IL1RAPL1: variants seen among roughly 807,000 people sequenced by gnomAD.
The protein encoded by IL1RAPL1 is interleukin-1 receptor accessory protein-like 1.
In IL1RAPL1, 3 loss-of-function variants were observed where a neutral mutation model predicts 48.4. The observed-to-expected ratio is 0.06, with a 90% confidence interval of 0.03 to 0.16. IL1RAPL1 has a LOEUF of 0.16. Ranked by LOEUF, IL1RAPL1 falls within the 10% of genes least tolerant of loss-of-function variation. The pLI is 1.00. For synonymous variants in IL1RAPL1, 185 were observed against 187.7 expected (o/e 0.99, Z 0.12); for missense variants, 349 against 530.6 (o/e 0.66, Z 3.36).
intron 5 of IL1RAPL1, among the ~76,000 whole-genome samples, chrX:29,418,090 AAT>A (rs1184407912): frequency 0.029 from 1,472 of 50,833 alleles, 80 homozygotes; most frequent in Non-Finnish European, 0.034. Context: ...TTAAAAAAGT[AAT>A]ATATATATAT....
chrX:29,758,552 C>A (rs1046487255), intron 6 of IL1RAPL1, among the ~76,000 whole-genome samples: 2 of 109,648 alleles, frequency 1.8e-5, no homozygotes, highest in African/African-American at 6.6e-5. Flanking sequence ...AAAAATTATG[C>A]GAGTATGGTG....
intron 2 of IL1RAPL1, among the ~76,000 whole-genome samples, chrX:29,139,091 G>A (rs1156415297): frequency 1.8e-5 from 2 of 111,735 alleles, no homozygotes; most frequent in Non-Finnish European, 3.8e-5. Context: ...CTTGCAACCA[G>A]CTACAGAAGG....
chrX:29,844,468 C>T (rs758907069), intron 6 of IL1RAPL1, among the ~76,000 whole-genome samples: 5 of 111,204 alleles, frequency 4.5e-5, no homozygotes, highest in Admixed American at 9.6e-5. Context: ...TCTTAACCCC[C>T]GGTACCTGTA....
At chrX:29,232,574 A>G (rs1269740497) in intron 2 of IL1RAPL1, among the ~76,000 whole-genome samples, 2 of 111,718 alleles carry the variant, frequency 1.8e-5, no homozygotes, top group Non-Finnish European at 3.8e-5. Flanking sequence ...TACATTTACA[A>G]TCATCTGACA....
At chrX:29,124,498 C>A (rs1053351810) in intron 2 of IL1RAPL1, among the ~76,000 whole-genome samples, 1 of 112,483 alleles carries the variant, frequency 8.9e-6, no homozygotes, top group Non-Finnish European at 1.9e-5. Context: ...TCTAATCACT[C>A]TGTGGCCATA....
At chrX:29,724,595 CAAAT>C (rs1927728155) in intron 6 of IL1RAPL1, among the ~76,000 whole-genome samples, 1 of 111,934 alleles carries the variant, frequency 8.9e-6, no homozygotes, top group South Asian at 3.7e-4. Context: ...GGAGAAAATG[CAAAT>C]AAATATGCTG....
At chrX:29,252,247 C>A (rs1431519453) in intron 2 of IL1RAPL1, among the ~76,000 whole-genome samples, 3 of 109,643 alleles carry the variant, frequency 2.7e-5, no homozygotes, top group Non-Finnish European at 5.7e-5. Flanking sequence ...CACATGTACC[C>A]TAAAACTTAA....
chrX:29,852,450 C>T (rs1253641870), intron 6 of IL1RAPL1, among the ~76,000 whole-genome samples: 2 of 112,137 alleles, frequency 1.8e-5, no homozygotes, highest in Non-Finnish European at 3.8e-5. Flanking sequence ...CACTCTTGGG[C>T]AGTTCTTGCC....
intron 6 of IL1RAPL1, among the ~76,000 whole-genome samples, chrX:29,745,026 A>C (rs1030148975): frequency 2.7e-5 from 3 of 112,109 alleles, no homozygotes; most frequent in African/African-American, 9.7e-5. Context: ...AATAGAACTA[A>C]AGACGAGAGC....
At chrX:29,504,901 A>G (rs1347338650) in intron 5 of IL1RAPL1, among the ~76,000 whole-genome samples, 1 of 77,085 alleles carries the variant, frequency 1.3e-5, no homozygotes, top group Non-Finnish European at 2.6e-5. Context: ...TTGTTTTAGA[A>G]CTCCTCTCTG....
At chrX:29,051,815 T>C (rs1378211849) in intron 2 of IL1RAPL1, among the ~76,000 whole-genome samples, 1 of 112,628 alleles carries the variant, frequency 8.9e-6, no homozygotes, top group Non-Finnish European at 1.9e-5. Flanking sequence ...ATGGCCACCT[T>C]CTTGGTGTCA....
At chrX:29,219,196 G>A (rs1397264162) in intron 2 of IL1RAPL1, among the ~76,000 whole-genome samples, 1 of 112,102 alleles carries the variant, frequency 8.9e-6, no homozygotes, top group African/African-American at 3.2e-5. Context: ...AATGTCAGAA[G>A]TCTGCCAAGT....
At chrX:28,786,981 GA>G (rs1320765281) in intron 1 of IL1RAPL1, among the ~76,000 whole-genome samples, 2 of 111,884 alleles carry the variant, frequency 1.8e-5, no homozygotes, top group Non-Finnish European at 3.8e-5. Context: ...CTTCCTCAAA[GA>G]AGTTTGTAAA....
chrX:29,766,620 C>T (rs1160189404), intron 6 of IL1RAPL1, among the ~76,000 whole-genome samples: 1 of 94,950 alleles, frequency 1.1e-5, no homozygotes, highest in Non-Finnish European at 2.0e-5. Flanking sequence ...CTCACTTGCT[C>T]ACTCTCCCTC....
At position 29,677,834 on chromosome X, in the gene IL1RAPL1, A is replaced by G. The variant is rs750329412; in HGVS notation, c.778+9330A>G. On this transcript the variant is annotated intron_variant, in intron 6 of 10. Coordinates refer to ENST00000378993, the MANE Select transcript of IL1RAPL1 (RefSeq NM_014271.4). Reference sequence around the variant, plus strand: ...ATATATTTTGTAGGGTAGAATAGTTAAGTAACCAGAATATCTCATGTCCAA... The same window carrying G: ...ATATATTTTGTAGGGTAGAATAGTTGAGTAACCAGAATATCTCATGTCCAA... Among the ~76,000 whole-genome samples the G allele has an allele frequency of 2.7e-5, 3 of 112,371 alleles. No individual in the cohort carries two copies. In the South Asian group the frequency reaches 1.1e-3, roughly 42 times the overall value.
intron 2 of IL1RAPL1, among the ~76,000 whole-genome samples, chrX:28,941,633 C>G (rs1207886434): frequency 9.0e-6 from 1 of 110,773 alleles, no homozygotes; most frequent in Non-Finnish European, 1.9e-5. Flanking sequence ...AAGATGCAAG[C>G]TTATTAAAAT....
At chrX:28,824,290 T>A (rs867321532) in intron 2 of IL1RAPL1, among the ~76,000 whole-genome samples, 1 of 111,287 alleles carries the variant, frequency 9.0e-6, no homozygotes, top group South Asian at 3.7e-4. Flanking sequence ...TCCCTTTACT[T>A]TATGTATTCT....
intron 2 of IL1RAPL1, among the ~76,000 whole-genome samples, chrX:29,277,303 C>A (rs988487406): frequency 1.5e-4 from 17 of 111,637 alleles, no homozygotes; most frequent in African/African-American, 4.9e-4. Flanking sequence ...GTGTTAGGTA[C>A]TTTCTCATGT....
intron 1 of IL1RAPL1, among the ~76,000 whole-genome samples, chrX:28,688,538 T>G (rs1222392951): frequency 1.8e-5 from 2 of 111,902 alleles, no homozygotes; most frequent in Non-Finnish European, 3.8e-5. Context: ...AACTAGACAT[T>G]ACCACTTACA....
Sources: allele counts gnomAD v4.1 joint callset (sites outside exome capture counted in the v4.1 genomes callset), GRCh38; gene constraint gnomAD v4.1.1; transcripts MANE v1.5; gene names NCBI Gene and HGNC (gene_info 2026-07-23, HGNC 2026-07-21).